Variants in EPHA6 observed in about 807,000 individuals in gnomAD.
EPHA6 encodes the protein EPH receptor A6.
EPHA6 carries 50 observed loss-of-function variants against 112.0 expected under a neutral mutation model. The observed-to-expected ratio is 0.45, with a 90% CI of 0.36 to 0.56. The LOEUF (loss-of-function observed/expected upper bound fraction) is 0.56, where lower values mean the gene tolerates loss of function less well. Ranked by LOEUF, EPHA6 falls within the 20% of genes least tolerant of loss-of-function variation. The pLI is 0.00. For missense variants in EPHA6, 1,280 were observed against 1,417.4 expected (o/e 0.90, Z 1.56); for synonymous variants, 529 against 490.7 (o/e 1.08, Z -1.03).
chr3:96,887,066 C>T (rs1479700640), intron 2 of EPHA6, among the ~76,000 whole-genome samples: 1 of 152,166 alleles, frequency 6.6e-6, no homozygotes, highest in Non-Finnish European at 1.5e-5. Context: ...GACTAACGTC[C>T]TGAATTCTTT....
At chr3:97,549,234 C>T (rs1053677014) in intron 11 of EPHA6, among the ~76,000 whole-genome samples, 10 of 152,230 alleles carry the variant, frequency 6.6e-5, no homozygotes, top group African/African-American at 2.4e-4. Flanking sequence ...TGTTTACTGC[C>T]TCTTGTTTAC....
intron 14 of EPHA6, among the ~76,000 whole-genome samples, chr3:97,708,748 T>G (rs907892441): frequency 6.6e-6 from 1 of 152,254 alleles, no homozygotes; most frequent in African/African-American, 2.4e-5. Flanking sequence ...CACTGCTCTG[T>G]ACAGCCTGAG....
intron 1 of EPHA6, among the ~76,000 whole-genome samples, chr3:96,842,401 T>C (rs7644217): frequency 0.013 from 2,014 of 152,182 alleles, 49 homozygotes; most frequent in African/African-American, 0.045. Context: ...GGGTTAGAGC[T>C]GTATTCTATG....
In EPHA6 at chr3:97,174,465, G is replaced by T. The variant is rs117128490; in HGVS notation, c.1115-51799G>T. Among the ~76,000 whole-genome samples the T allele has an allele frequency of 2.5e-3, 377 of 151,894 alleles. 9 individuals carry two copies. The East Asian group carries it at 0.064, about 26-fold the overall frequency. ...GTAGCTCAATTTTTAGATTTTTGAG[G>T]ACCCTCTAAACTGTTCTCCATAGTG... On this transcript the variant is annotated intron_variant, in intron 3 of 17. Transcript: ENST00000389672.
chr3:97,470,595 C>A (rs184588096), intron 7 of EPHA6, among the ~76,000 whole-genome samples: 1 of 151,556 alleles, frequency 6.6e-6, no homozygotes, highest in South Asian at 2.1e-4. Flanking sequence ...AGCCAAATTG[C>A]CTTTCTCCGA....
chr3:97,481,500 T>G, intron 9 of EPHA6: 3 of 1,087,930 alleles, frequency 2.8e-6, no homozygotes, highest in Non-Finnish European at 4.2e-6. Flanking sequence ...ATAGTTCCGG[T>G]TCTTCCTCCG....
At chr3:97,103,482 A>G (rs988202791) in intron 3 of EPHA6, among the ~76,000 whole-genome samples, 8 of 151,900 alleles carry the variant, frequency 5.3e-5, no homozygotes, top group Non-Finnish European at 1.0e-4. Flanking sequence ...TGTTTATCCT[A>G]TTCCATTGGT....
At chr3:97,410,793 T>G (rs2087662442) in intron 6 of EPHA6, among the ~76,000 whole-genome samples, 1 of 152,094 alleles carries the variant, frequency 6.6e-6, no homozygotes, top group African/African-American at 2.4e-5. Flanking sequence ...CTAGAAGCCC[T>G]ACTTTTCCTT....
At chr3:96,867,427 A>G (rs1455593150) in intron 2 of EPHA6, among the ~76,000 whole-genome samples, 1 of 151,836 alleles carries the variant, frequency 6.6e-6, no homozygotes, top group Admixed American at 6.6e-5. Flanking sequence ...TTTGCAAAAT[A>G]TAGTTTTTCA....
At chr3:97,175,238 T>G (rs1473497536) in intron 3 of EPHA6, among the ~76,000 whole-genome samples, 1 of 151,990 alleles carries the variant, frequency 6.6e-6, no homozygotes, top group Non-Finnish European at 1.5e-5. Flanking sequence ...GGTTCTCTAT[T>G]ATTTTCCATT....
At chr3:97,423,303 A>G (rs976358709) in intron 6 of EPHA6, among the ~76,000 whole-genome samples, 6 of 152,244 alleles carry the variant, frequency 3.9e-5, no homozygotes, top group African/African-American at 1.4e-4. Context: ...AATTTCAACA[A>G]CTTTCAGTAT....
Position 97,546,626 on chromosome 3 carries a change from G to T in EPHA6, c.2386+14083G>T, listed in dbSNP as rs570988275. ...AATGTTGGCCTGCCTTGCTATATTT[G>T]GGAAGTTCTCCTGGATAATATCCTG... On this transcript the variant is annotated intron_variant, in intron 11 of 17. Coordinates refer to ENST00000389672, the MANE Select transcript of EPHA6 (RefSeq NM_001080448.3). Among the ~76,000 whole-genome samples, 6 of 152,170 alleles carry T rather than the reference G, an allele frequency of 3.9e-5. No homozygotes were observed. In the South Asian group the frequency reaches 8.3e-4, roughly 21 times the overall value.
At chr3:97,185,024 G>T (rs2077087294) in intron 3 of EPHA6, among the ~76,000 whole-genome samples, 1 of 152,162 alleles carries the variant, frequency 6.6e-6, no homozygotes. Context: ...GTAGAAAGCT[G>T]AAACTGGATC....
chr3:97,032,766 G>C (rs1007385764), intron 3 of EPHA6, among the ~76,000 whole-genome samples: 1 of 151,912 alleles, frequency 6.6e-6, no homozygotes, highest in African/African-American at 2.4e-5. Flanking sequence ...CTGTGAGCTT[G>C]GTACAAATAT....
At chr3:97,630,889 C>A (rs1306452694) in intron 13 of EPHA6, among the ~76,000 whole-genome samples, 1 of 151,982 alleles carries the variant, frequency 6.6e-6, no homozygotes, top group Admixed American at 6.6e-5. Context: ...CATGTGGTAG[C>A]ACTTCTTCAT....
chr3:97,614,141 G>C (rs1167538459), intron 13 of EPHA6, among the ~76,000 whole-genome samples: 2 of 151,656 alleles, frequency 1.3e-5, no homozygotes, highest in Non-Finnish European at 2.9e-5. Flanking sequence ...TTAAGTTTTA[G>C]GGTACATGTG....
At chr3:97,286,899 T>A (rs149706846) in intron 5 of EPHA6, among the ~76,000 whole-genome samples, 1 of 152,226 alleles carries the variant, frequency 6.6e-6, no homozygotes, top group African/African-American at 2.4e-5. Flanking sequence ...TTTGTTTGTA[T>A]CTTTTTCAAT....
chr3:97,070,351 G>C (rs1033989973), intron 3 of EPHA6, among the ~76,000 whole-genome samples: 2 of 152,052 alleles, frequency 1.3e-5, no homozygotes, highest in African/African-American at 4.8e-5. Flanking sequence ...GTATTTTATA[G>C]TTGGAAATTA....
chr3:97,538,217 T>G (rs1560112035), intron 11 of EPHA6, among the ~76,000 whole-genome samples: 1 of 151,818 alleles, frequency 6.6e-6, no homozygotes, highest in African/African-American at 2.4e-5. Context: ...GAAAATAGAG[T>G]AAAGAAGTCA....
Sources: gnomAD v4.1 joint callset for allele counts (sites outside exome capture counted in the v4.1 genomes callset) on GRCh38, gnomAD v4.1.1 for gene constraint, MANE v1.5 for transcripts, NCBI Gene and HGNC (gene_info 2026-07-23, HGNC 2026-07-21) for gene names.